GRIN2B: variants seen among roughly 807,000 people sequenced by gnomAD.
GRIN2B encodes glutamate ionotropic receptor NMDA type subunit 2B, also known as glutamate receptor ionotropic, NMDA 2B.
In GRIN2B, 5 loss-of-function variants were observed where a neutral mutation model predicts 114.5. The observed-to-expected ratio is 0.04, with a 90% CI of 0.02 to 0.09. GRIN2B has a LOEUF of 0.09. Among genes scored for constraint, GRIN2B ranks in the 10% least tolerant of loss-of-function variants. GRIN2B has a pLI of 1.00. For missense variants in GRIN2B, 1,108 were observed against 1,943.5 expected (o/e 0.57, Z 8.08); for synonymous variants, 787 against 745.1 (o/e 1.06, Z -0.92).
In GRIN2B at chr12:13,538,938, T is replaced by C. The variant is rs1327144661; in HGVS notation, c.*23845A>G. 1.3e-5 allele frequency: 2 copies of C among 151,892 alleles called. No individual in the cohort carries two copies. The highest frequency in any genetic ancestry group is 2.4e-5 in the African/African-American group (1 of 41,366). 9.4% of individuals were successfully genotyped at this position (151,892 alleles called of 1,614,324 possible). ...CAAATCTCAGATTTTCAAATCAAAC[T>C]TACTGTATAATTTTCAGATTATTGT... On this transcript the variant is annotated 3_prime_UTR_variant, in exon 14 of 14. Transcript: ENST00000609686.
At chr12:13,748,560 G>A (rs1591709999) in intron 4 of GRIN2B, among the ~76,000 whole-genome samples, 1 of 152,266 alleles carries the variant, frequency 6.6e-6, no homozygotes, top group East Asian at 1.9e-4. Context: ...AGATCATCTG[G>A]TACCAAAACG....
intron 2 of GRIN2B, among the ~76,000 whole-genome samples, chr12:13,901,134 A>G (rs752795756): frequency 6.6e-6 from 1 of 152,092 alleles, no homozygotes; most frequent in Non-Finnish European, 1.5e-5. Context: ...ATTCTCACCA[A>G]CATTCAGTAT....
intron 2 of GRIN2B, among the ~76,000 whole-genome samples, chr12:13,914,189 A>G (rs192958532): frequency 4.6e-5 from 7 of 152,086 alleles, no homozygotes; most frequent in Admixed American, 4.6e-4. Flanking sequence ...CAATTGTCTC[A>G]CCTTTTCACT....
intron 4 of GRIN2B, among the ~76,000 whole-genome samples, chr12:13,728,782 A>G (rs1863035421): frequency 6.6e-6 from 1 of 152,154 alleles, no homozygotes; most frequent in Admixed American, 6.5e-5. Context: ...ATAATTTGCT[A>G]TTGCCAGCAT....
intron 5 of GRIN2B, among the ~76,000 whole-genome samples, chr12:13,631,228 C>T (rs1411591982): frequency 6.6e-6 from 1 of 152,116 alleles, no homozygotes; most frequent in African/African-American, 2.4e-5. Context: ...ATAATCTAGT[C>T]TCACATCCTC....
intron 3 of GRIN2B, among the ~76,000 whole-genome samples, chr12:13,796,490 C>A (rs1864421380): frequency 6.6e-6 from 1 of 152,194 alleles, no homozygotes; most frequent in Non-Finnish European, 1.5e-5. Flanking sequence ...CCAGACAAGC[C>A]TTTCCCCAAT....
At chr12:13,660,766 C>A (rs545491490) in intron 5 of GRIN2B, among the ~76,000 whole-genome samples, 1 of 152,286 alleles carries the variant, frequency 6.6e-6, no homozygotes, top group African/African-American at 2.4e-5. Flanking sequence ...AGCACTTGCA[C>A]AATATAAAGA....
chr12:13,607,914 T>A (rs980211065), intron 10 of GRIN2B, among the ~76,000 whole-genome samples: 6 of 152,176 alleles, frequency 3.9e-5, no homozygotes, highest in Non-Finnish European at 7.3e-5. Context: ...GAAAATGTGA[T>A]GCTTCAGGCA....
chr12:13,839,173 G>A (rs1171710901), intron 3 of GRIN2B, among the ~76,000 whole-genome samples: 1 of 152,378 alleles, frequency 6.6e-6, no homozygotes. Context: ...TGAAGCTACA[G>A]CAAAGAATCC....
chr12:13,555,083 G>A lies in GRIN2B; in HGVS notation c.*7700C>T, dbSNP rs1948462702. 6.6e-6 allele frequency: 1 copy of A among 152,112 alleles called. No homozygotes were observed. The highest frequency in any genetic ancestry group is 1.5e-5 in the Non-Finnish European group (1 of 68,006). 9.4% of individuals were successfully genotyped at this position (152,112 alleles called of 1,614,324 possible). On this transcript the variant is annotated 3_prime_UTR_variant, in exon 14 of 14. Transcript: ENST00000609686. ...CATAGAAGACAGAAAGATTGCTACA[G>A]AAGCATTAAGATAAGGAGAAGAGGG...
At chr12:13,698,010 A>G (rs1447115471) in intron 4 of GRIN2B, among the ~76,000 whole-genome samples, 6 of 152,208 alleles carry the variant, frequency 3.9e-5, no homozygotes, top group Admixed American at 3.9e-4. Context: ...CATTTCTTAA[A>G]TGAGAAGCTG....
chr12:13,763,499 A>T (rs1863720066), intron 3 of GRIN2B, among the ~76,000 whole-genome samples: 1 of 152,170 alleles, frequency 6.6e-6, no homozygotes, highest in Admixed American at 6.5e-5. Flanking sequence ...GAAGCTGCCT[A>T]AATCCTTGAT....
chr12:13,851,155 T>C (rs1324369151), intron 3 of GRIN2B, among the ~76,000 whole-genome samples: 1 of 152,176 alleles, frequency 6.6e-6, no homozygotes, highest in East Asian at 1.9e-4. Flanking sequence ...TGTTAATCAA[T>C]TCTGGGTTAA....
In GRIN2B at chr12:13,605,520, G is replaced by GTCTCTCTCTCTCTCTC. The variant is rs3081918; in HGVS notation, c.2010+3067_2010+3082dup. On this transcript the variant is annotated intron_variant, in intron 10 of 13. Transcript: ENST00000609686. The stretch of plus-strand genomic sequence containing the variant: ...GAAATTATTTGCAAAGGTCTTGAAA[G>GTCTCTCTCTCTCTCTC]TCTCTCTCTCTCTCTCTCTCTCTCT... Among the ~76,000 whole-genome samples the GTCTCTCTCTCTCTCTC allele has an allele frequency of 2.9e-3, 329 of 114,998 alleles. 8 individuals carry two copies. Among genetic ancestry groups the GTCTCTCTCTCTCTCTC allele is most frequent in the Middle Eastern group, 9.0e-3 (2 of 222 alleles). The allele number at this position is 114,998 out of a possible 152,430, so 75.4% of individuals were successfully genotyped here. A position where few individuals can be genotyped will look rare whatever the true frequency, so the allele number is the denominator to read the frequency against.
intron 3 of GRIN2B, among the ~76,000 whole-genome samples, chr12:13,787,150 T>G (rs1365751880): frequency 6.6e-6 from 1 of 152,202 alleles, no homozygotes; most frequent in Non-Finnish European, 1.5e-5. Flanking sequence ...TGCAGGATCA[T>G]GTCTAACCTA....
chr12:13,877,419 ATAGT>A (rs1261169377), intron 2 of GRIN2B, among the ~76,000 whole-genome samples: 2 of 152,254 alleles, frequency 1.3e-5, no homozygotes, highest in African/African-American at 2.4e-5. Flanking sequence ...ACCAGTGTAC[ATAGT>A]TAGCCACACA....
rs551617402 is a variant in GRIN2B at position 13,861,928 on chromosome 12, C to T, written c.411+3870G>A. ...GCTGGACACTTCAGTGAAGCACTTG[C>T]CATGTATCACCTCATTTAATCCTCG... On this transcript the variant is annotated intron_variant, in intron 3 of 13. Transcript: ENST00000609686. Among the ~76,000 whole-genome samples, 147 of 152,298 alleles carry T rather than the reference C, an allele frequency of 9.7e-4. 1 individual carries two copies. Among genetic ancestry groups the T allele is most frequent in the Non-Finnish European group, 1.0e-3 (71 of 68,022 alleles).
intron 2 of GRIN2B, among the ~76,000 whole-genome samples, chr12:13,882,538 C>G (rs1866087468): frequency 6.6e-6 from 1 of 152,110 alleles, no homozygotes. Flanking sequence ...CATTTAGCCT[C>G]TCTGAACCTC....
At chr12:13,934,436 T>C (rs1391089123) in intron 2 of GRIN2B, among the ~76,000 whole-genome samples, 2 of 152,208 alleles carry the variant, frequency 1.3e-5, no homozygotes, top group Non-Finnish European at 1.5e-5. Context: ...GCATTGTGAC[T>C]TCCACTTTAG....
Sources: allele counts gnomAD v4.1 joint callset (sites outside exome capture counted in the v4.1 genomes callset), GRCh38; gene constraint gnomAD v4.1.1; transcripts MANE v1.5; gene names NCBI Gene and HGNC (gene_info 2026-07-23, HGNC 2026-07-21).